The following TMPRSS2 variants were observed in gnomAD, a reference collection of about 807,000 sequenced individuals.
TMPRSS2 encodes the protein transmembrane protease serine 2.
A neutral mutation model predicts 67.4 loss-of-function variants in TMPRSS2; 59 were observed. The ratio of observed to expected loss-of-function variants is 0.88; its 90% CI spans 0.71 to 1.09. The LOEUF (loss-of-function observed/expected upper bound fraction) is 1.09. Among genes scored for constraint, TMPRSS2 ranks in the 50% least tolerant of loss-of-function variants. The pLI is 0.00. For missense variants in TMPRSS2, 668 were observed against 642.7 expected (o/e 1.04, Z -0.43); for synonymous variants, 257 against 257.0 (o/e 1.00, Z 0.00).
intron 9 of TMPRSS2, 69 bp from the exon 10 acceptor site, chr21:41,472,050 C>T (rs544336418): frequency 6.3e-5 from 90 of 1,434,602 alleles, no homozygotes; most frequent in African/African-American, 5.3e-4. Context: ...GAACTTCCAA[C>T]GTCAGAAGCT....
Position 41,489,633 on chromosome 21 carries a change from G to A in TMPRSS2, c.239-40C>T, listed in dbSNP as rs574683527. 6.2e-5 allele frequency: 89 copies of A among 1,425,938 alleles called. 2 individuals are homozygous for A. In the South Asian group the frequency reaches 1.0e-3, roughly 16 times the overall value. The allele number at this position is 1,425,938 out of a possible 1,614,324, so 88.3% of individuals were successfully genotyped here. Reference sequence around the variant, plus strand: ...AGAGTGCAACGTTCAGACCAGAGTTGTTTAGAAGTCATGCTCTCAAATGTT... The same window carrying A: ...AGAGTGCAACGTTCAGACCAGAGTTATTTAGAAGTCATGCTCTCAAATGTT... On this transcript the variant is annotated intron_variant, in intron 3 of 13. Transcript: ENST00000332149.
intron 8 of TMPRSS2, among the ~76,000 whole-genome samples, chr21:41,475,530 GTGAAGGGTGAGTGAGGGGGTGA>G (rs2091200938): frequency 3.4e-5 from 1 of 29,318 alleles, no homozygotes; most frequent in Non-Finnish European, 6.9e-5. Context: ...GAGTGAGGGG[GTGAAGGGTGAGTGAGGGGGTGA>G]GGAGGTGAGT....
In TMPRSS2 at chr21:41,467,971, GGC is replaced by G. The variant is rs1358030103; in HGVS notation, c.1315-87_1315-86del. On this transcript the variant is annotated intron_variant, in intron 12 of 13. Transcript: ENST00000332149. Reference sequence around the variant, plus strand: ...CTGACCAGGCCTAGAGGAGTTGGGGGGCGGGGGTCGCAGTGTGAGTTACGAGT... The same window carrying G: ...CTGACCAGGCCTAGAGGAGTTGGGGGGGGGGTCGCAGTGTGAGTTACGAGT... The G allele has an allele frequency of 5.7e-5, 85 of 1,504,318 alleles. No individual in the cohort carries two copies. The African/African-American group carries it at 1.0e-3, about 18-fold the overall frequency. 93.2% of individuals were successfully genotyped at this position (1,504,318 alleles called of 1,614,324 possible). A position where few individuals can be genotyped will look rare whatever the true frequency, so the allele number is the denominator to read the frequency against.
At chr21:41,495,621 C>T (rs1417284841) in intron 2 of TMPRSS2, among the ~76,000 whole-genome samples, 2 of 77,330 alleles carry the variant, frequency 2.6e-5, no homozygotes, top group African/African-American at 5.4e-5. Context: ...GCGAAACTCC[C>T]GTCTCAAAAA....
chr21:41,488,500 GCACTTGCTGCC>G lies in TMPRSS2; in HGVS notation c.328_338del (p.Gly110LeufsTer18). 6.2e-7 allele frequency: 1 copy of G among 1,613,052 alleles called. No homozygotes were observed. The highest frequency in any genetic ancestry group is 8.5e-7 in the Non-Finnish European group (1 of 1,179,306). On this transcript the variant is annotated frameshift_variant and splice_region_variant, in exon 5 of 14. Coordinates refer to ENST00000332149, the MANE Select transcript of TMPRSS2 (RefSeq NM_005656.4). LOFTEE classifies it high-confidence loss of function. Reference sequence around the variant, plus strand: ...AGTCGCACTCTATCCCAGAGTTGGAGCACTTGCTGCCCACTTGCAGAGAAAACAGAAGAGAG... The same window carrying G: ...AGTCGCACTCTATCCCAGAGTTGGAGCACTTGCAGAGAAAACAGAAGAGAG...
At chr21:41,486,642 T>G (rs1254149417) in intron 5 of TMPRSS2, 3 of 152,030 alleles carry the variant, frequency 2.0e-5, no homozygotes, top group African/African-American at 7.2e-5. Context: ...AAAAGGCAGC[T>G]CTTAAAGAGA....
rs569681994 is a variant in TMPRSS2 at position 41,476,685 on chromosome 21, A to G, written c.684-65T>C. 4 of 1,392,300 alleles carry G rather than the reference A, an allele frequency of 2.9e-6. No individual in the cohort carries two copies. In the African/African-American group the frequency reaches 5.6e-5, roughly 20 times the overall value. The allele number at this position is 1,392,300 out of a possible 1,614,324, so 86.2% of individuals were successfully genotyped here. ...GGAGTCACCTGCCTCTCACATGCTT[A>G]GAAATCAGTCATTTCTTCCGATGTT... is the stretch of plus-strand genomic sequence containing the variant. On this transcript the variant is annotated intron_variant, in intron 7 of 13. Coordinates refer to ENST00000332149, the MANE Select transcript of TMPRSS2 (RefSeq NM_005656.4).
At chr21:41,485,181 C>T (rs2146460760) in intron 5 of TMPRSS2, among the ~76,000 whole-genome samples, 1 of 151,708 alleles carries the variant, frequency 6.6e-6, no homozygotes, top group Non-Finnish European at 1.5e-5. Context: ...AGATTTTTCA[C>T]AGCATACCCT....
rs78503214 is a variant in TMPRSS2 at position 41,470,616 on chromosome 21, C to T, written c.1171+32G>A. 2,939 of 1,604,116 alleles carry T rather than the reference C, an allele frequency of 1.8e-3. 53 individuals carry two copies. The African/African-American group carries it at 0.034, about 18-fold the overall frequency. On this transcript the variant is annotated intron_variant, in intron 11 of 13. Transcript: ENST00000332149. ...GAACCCAATGCTCCATCTGTGGGCCCTGCAGTCCTGTGTGCCCAGGAGCAG... is the reference window on the plus strand; with the variant it reads ...GAACCCAATGCTCCATCTGTGGGCCTTGCAGTCCTGTGTGCCCAGGAGCAG...
At chr21:41,473,521 G>C (rs1203029265) in intron 8 of TMPRSS2, 25 bp from the exon 9 acceptor site, 1 of 1,593,900 alleles carries the variant, frequency 6.3e-7, no homozygotes, top group East Asian at 2.3e-5. Context: ...CAGGAGGCCA[G>C]TGGGGTGAGA....
intron 1 of TMPRSS2, among the ~76,000 whole-genome samples, chr21:41,507,321 G>A (rs1433810255): frequency 1.3e-5 from 2 of 152,092 alleles, no homozygotes; most frequent in Non-Finnish European, 2.9e-5. Flanking sequence ...AACCCGGCAC[G>A]GAGCGCAAGC....
intron 7 of TMPRSS2, among the ~76,000 whole-genome samples, chr21:41,477,492 A>G (rs983929147): frequency 6.6e-6 from 1 of 152,194 alleles, no homozygotes; most frequent in Non-Finnish European, 1.5e-5. Flanking sequence ...GCAGCCTCAC[A>G]GAATTACCCC....
At chr21:41,467,949 A>G (rs1340688281) in intron 12 of TMPRSS2, 63 bp from the exon 13 acceptor site, 2 of 1,600,086 alleles carry the variant, frequency 1.2e-6, no homozygotes, top group Non-Finnish European at 1.7e-6. Context: ...CACACCACTG[A>G]CCAGGCCTAG....
rs751334985 is a variant in TMPRSS2 at position 41,476,660 on chromosome 21, G to T, written c.684-40C>A. 4.5e-6 allele frequency: 7 copies of T among 1,554,684 alleles called. No homozygotes were observed. In the Middle Eastern group the frequency reaches 5.0e-4, roughly 112 times the overall value. On this transcript the variant is annotated intron_variant, in intron 7 of 13. Coordinates refer to ENST00000332149, the MANE Select transcript of TMPRSS2 (RefSeq NM_005656.4). Reference sequence around the variant, plus strand: ...GGGGAAATTCTGGTCACGATAGTGCGGAGTCACCTGCCTCTCACATGCTTA... The same window carrying T: ...GGGGAAATTCTGGTCACGATAGTGCTGAGTCACCTGCCTCTCACATGCTTA...
intron 1 of TMPRSS2, chr21:41,502,567 C>G (rs999566978): frequency 9.1e-6 from 9 of 985,356 alleles, no homozygotes; most frequent in Admixed American, 6.1e-5. Flanking sequence ...CAAAAAGAGC[C>G]CTTTATGCCA....
intron 12 of TMPRSS2, 45 bp downstream of exon 12, chr21:41,468,351 T>C (rs1879796063): frequency 6.2e-7 from 1 of 1,608,508 alleles, no homozygotes. Context: ...GGGGGTTCAG[T>C]AGGATCTGGT....
intron 13 of TMPRSS2, among the ~76,000 whole-genome samples, chr21:41,467,250 G>A (rs368242808): frequency 2.0e-5 from 3 of 152,126 alleles, no homozygotes; most frequent in African/African-American, 4.8e-5. Flanking sequence ...GTAGCTGGGC[G>A]TGGTGGCGCA....
Position 41,467,894 on chromosome 21 carries a change from A to T in TMPRSS2, c.1315-8T>A. ...AGGCCCTCCACTGTCACCCTGTGGGACACAGCAAGGTACAGAGAGCAGAAA... is the reference window on the plus strand; with the variant it reads ...AGGCCCTCCACTGTCACCCTGTGGGTCACAGCAAGGTACAGAGAGCAGAAA... On this transcript the variant is annotated splice_region_variant and splice_polypyrimidine_tract_variant and intron_variant, in intron 12 of 13. Coordinates refer to ENST00000332149, the MANE Select transcript of TMPRSS2 (RefSeq NM_005656.4). The T allele has an allele frequency of 6.2e-7, 1 of 1,614,134 alleles. No individual in the cohort carries two copies. The highest frequency in any genetic ancestry group is 1.1e-5 in the South Asian group (1 of 91,080).
At chr21:41,485,395 C>G (rs9983252) in intron 5 of TMPRSS2, among the ~76,000 whole-genome samples, 47,971 of 151,824 alleles carry the variant, frequency 0.32, 8,525 homozygotes, top group African/African-American at 0.45. Flanking sequence ...CGCCTGTAAT[C>G]CCAGCAGTCT....
Sources: allele counts gnomAD v4.1 joint callset (sites outside exome capture counted in the v4.1 genomes callset), GRCh38; gene constraint gnomAD v4.1.1; transcripts MANE v1.5; gene names NCBI Gene and HGNC (gene_info 2026-07-23, HGNC 2026-07-21).